The following RANBP2 variants were observed in gnomAD, a reference collection of about 807,000 sequenced individuals.
RANBP2 encodes RAN binding protein 2.
In RANBP2, 57 loss-of-function variants were observed where a neutral mutation model predicts 303.6. The observed-to-expected ratio is 0.19, with a 90% CI of 0.15 to 0.23. The LOEUF (loss-of-function observed/expected upper bound fraction) is 0.23. RANBP2 is among the 10% of genes least tolerant of loss of function. The probability of loss-of-function intolerance (pLI) is 1.00; values close to 1 mark genes in which losing one functional copy is unlikely to be tolerated. For missense variants in RANBP2, 3,138 were observed against 3,780.8 expected, an observed-to-expected ratio of 0.83 and a Z score of 4.46; for synonymous variants, 1,167 against 1,301.5, an observed-to-expected ratio of 0.90 and a Z score of 2.23.
the RANBP2 span, among the ~76,000 whole-genome samples, chr2:109,291,896 G>T: frequency 6.6e-6 from 1 of 152,166 alleles, no homozygotes; most frequent in African/African-American, 2.4e-5. Flanking sequence ...ATGGAGTCTC[G>T]CTCTGTTGCC....
the RANBP2 span, chr2:108,988,812 A>G: frequency 5.3e-5 from 8 of 152,246 alleles, no homozygotes; most frequent in Non-Finnish European, 1.0e-4. Flanking sequence ...TAGCGCAGAC[A>G]TACTGCAATC....
At chr2:109,123,324 TTCCTTCCTTCC>T in the RANBP2 span, among the ~76,000 whole-genome samples, 194 of 24,184 alleles carry the variant, frequency 8.0e-3, no homozygotes, top group Non-Finnish European at 0.018. Context: ...CTTTCTTTCC[TTCCTTCCTTCC>T]TTCCTTCCTT....
Position 108,764,409 on chromosome 2 carries a change from A to G in RANBP2, c.3870A>G (p.Glu1290=), listed in dbSNP as rs906976569. 1 of 1,613,966 alleles carries G rather than the reference A, an allele frequency of 6.2e-7. No homozygotes were observed. The highest frequency in any genetic ancestry group is 1.3e-5 in the African/African-American group (1 of 74,926). The change falls in exon 20 of 29, where the codon GAA becomes GAG. Residue 1290 remains glutamate, a synonymous_variant. Transcript: ENST00000283195. The part of the protein sequence containing the change: ...QLAIRFKTPE[E]AALFKCKFEE... The stretch of plus-strand genomic sequence containing the variant: ...CTATTAGGTTCAAAACTCCTGAGGA[A>G]GCAGCACTTTTTAAATGCAAGTTTG...
the RANBP2 span, among the ~76,000 whole-genome samples, chr2:109,484,828 G>A: frequency 3.3e-5 from 5 of 152,184 alleles, no homozygotes; most frequent in Admixed American, 2.6e-4. Flanking sequence ...TCCTGGGACT[G>A]TCTGCAGGTG....
the RANBP2 span, among the ~76,000 whole-genome samples, chr2:109,248,577 C>CA: frequency 6.6e-6 from 1 of 152,194 alleles, no homozygotes; most frequent in African/African-American, 2.4e-5. Context: ...GCAATGCAGA[C>CA]AGAAACCTTG....
At chr2:109,653,052 G>A in the RANBP2 span, among the ~76,000 whole-genome samples, 2 of 152,172 alleles carry the variant, frequency 1.3e-5, no homozygotes, top group African/African-American at 4.8e-5. Flanking sequence ...GAATTTCTCT[G>A]CCTCTATAAA....
At chr2:108,780,778 T>A (rs1678202845) in intron 25 of RANBP2, among the ~76,000 whole-genome samples, 1 of 149,720 alleles carries the variant, frequency 6.7e-6, no homozygotes, top group African/African-American at 2.5e-5. Flanking sequence ...GGTGCCATCT[T>A]GGCTCACCGC....
Position 108,764,332 on chromosome 2 carries a change from G to T in RANBP2, c.3793G>T (p.Val1265Leu). Residue 1265 changes from valine to leucine, a missense_variant, in exon 20 of 29, where the codon GTA (valine) becomes TTA (leucine). Transcript: ENST00000283195. ...TPNAGSDRSF[V>L]WHALDYADEL... ...AAATGCTGGATCAGACAGATCTTTT[G>T]TATGGCATGCCCTTGATTATGCAGA... 3 of 1,613,700 alleles carry T rather than the reference G, an allele frequency of 1.9e-6. No homozygotes were observed. Among genetic ancestry groups the T allele is most frequent in the Non-Finnish European group, 2.5e-6 (3 of 1,179,962 alleles).
chr2:109,511,401 TCAAAAAGAA>T, the RANBP2 span, among the ~76,000 whole-genome samples: 1 of 152,152 alleles, frequency 6.6e-6, no homozygotes, highest in Non-Finnish European at 1.5e-5. Flanking sequence ...TACTCTTTGA[TCAAAAAGAA>T]CAAAAAGTTC....
chr2:108,999,540 G>T, the RANBP2 span, among the ~76,000 whole-genome samples: 1 of 152,152 alleles, frequency 6.6e-6, no homozygotes, highest in Admixed American at 6.5e-5. Context: ...GAGAGACCAG[G>T]CTGCTAAACG....
chr2:109,333,862 TATG>T, the RANBP2 span, among the ~76,000 whole-genome samples: 47 of 152,300 alleles, frequency 3.1e-4, no homozygotes, highest in African/African-American at 1.1e-3. Context: ...TAATTATAAT[TATG>T]ATGATATAAT....
the RANBP2 span, among the ~76,000 whole-genome samples, chr2:108,832,688 A>G: frequency 6.6e-6 from 1 of 152,210 alleles, no homozygotes; most frequent in Non-Finnish European, 1.5e-5. Context: ...ATAAGAAAAT[A>G]TATGGAAAAG....
the RANBP2 span, among the ~76,000 whole-genome samples, chr2:108,809,475 TG>T: frequency 1.1e-4 from 16 of 152,070 alleles, no homozygotes; most frequent in African/African-American, 3.4e-4. Flanking sequence ...TGTGTGTGTG[TG>T]TGTGTGTGTG....
chr2:109,381,498 A>G, the RANBP2 span, among the ~76,000 whole-genome samples: 1 of 151,904 alleles, frequency 6.6e-6, no homozygotes, highest in Admixed American at 6.6e-5. Context: ...TGGGCCATCC[A>G]CGTCCACCTG....
the RANBP2 span, among the ~76,000 whole-genome samples, chr2:109,556,921 C>CA: frequency 6.6e-6 from 1 of 151,942 alleles, no homozygotes; most frequent in Non-Finnish European, 1.5e-5. Context: ...ATCGCAAGGA[C>CA]AAAAAAACCA....
chr2:109,553,808 C>T, the RANBP2 span, among the ~76,000 whole-genome samples: 13 of 151,150 alleles, frequency 8.6e-5, no homozygotes, highest in East Asian at 3.9e-4. Context: ...GAGCCAAGAT[C>T]GCGCCACTGC....
chr2:109,676,911 A>G, the RANBP2 span, among the ~76,000 whole-genome samples: 1 of 152,204 alleles, frequency 6.6e-6, no homozygotes, highest in Non-Finnish European at 1.5e-5. Context: ...TTTTGAAGGT[A>G]GACAAAGCCA....
At chr2:108,796,433 T>C in the RANBP2 span, among the ~76,000 whole-genome samples, 1 of 152,286 alleles carries the variant, frequency 6.6e-6, no homozygotes, top group African/African-American at 2.4e-5. Flanking sequence ...GGAGGTTCCT[T>C]AAACTATAAG....
the RANBP2 span, among the ~76,000 whole-genome samples, chr2:109,699,650 A>G: frequency 1.3e-5 from 2 of 152,216 alleles, no homozygotes; most frequent in African/African-American, 4.8e-5. Flanking sequence ...ACATAGGCTG[A>G]GAAGGAGGAG....
Sources: allele counts gnomAD v4.1 joint callset (sites outside exome capture counted in the v4.1 genomes callset), GRCh38; gene constraint gnomAD v4.1.1; transcripts MANE v1.5; gene names NCBI Gene and HGNC (gene_info 2026-07-23, HGNC 2026-07-21).